The following TENM3 variants were observed in gnomAD, a reference collection of about 807,000 sequenced individuals.
The protein encoded by TENM3 is teneurin-3.
Under a neutral mutation model 255.1 loss-of-function variants are expected in TENM3, and 63 were observed. The ratio of observed to expected loss-of-function variants is 0.25; its 90% CI spans 0.20 to 0.30. The LOEUF (loss-of-function observed/expected upper bound fraction) is 0.30. TENM3 is among the 10% of genes least tolerant of loss of function. The probability of loss-of-function intolerance (pLI) is 1.00; values close to 1 mark genes in which losing one functional copy is unlikely to be tolerated. For synonymous variants in TENM3, 1,306 were observed against 1,322.3 expected, an observed-to-expected ratio of 0.99 and a Z score of 0.27; for missense variants, 2,929 against 3,461.1, an observed-to-expected ratio of 0.85 and a Z score of 3.86.
the TENM3 span, among the ~76,000 whole-genome samples, chr4:181,487,327 C>T: frequency 4.6e-5 from 7 of 152,188 alleles, no homozygotes; most frequent in African/African-American, 1.7e-4. Flanking sequence ...GACAACCCCA[C>T]CTGTATTAGT....
chr4:182,386,352 G>A (rs1767914544), intron 3 of TENM3, among the ~76,000 whole-genome samples: 1 of 152,200 alleles, frequency 6.6e-6, no homozygotes, highest in African/African-American at 2.4e-5. Flanking sequence ...TTTGTGTTTT[G>A]AAAAGAAAGA....
the TENM3 span, among the ~76,000 whole-genome samples, chr4:182,082,447 T>C: frequency 2.0e-5 from 3 of 152,334 alleles, no homozygotes; most frequent in South Asian, 6.2e-4. Context: ...TAATGTACAT[T>C]CATGTACTCA....
At chr4:182,551,283 G>A (rs1020255701) in intron 3 of TENM3, among the ~76,000 whole-genome samples, 2 of 147,740 alleles carry the variant, frequency 1.4e-5, no homozygotes, top group African/African-American at 5.0e-5. Flanking sequence ...ATAATAACAC[G>A]AAGATGATGA....
intron 3 of TENM3, among the ~76,000 whole-genome samples, chr4:182,590,748 G>A (rs1169506307): frequency 7.0e-6 from 1 of 142,922 alleles, no homozygotes; most frequent in African/African-American, 2.5e-5. Flanking sequence ...CCAACTACTC[G>A]GGGGGCAGGA....
At chr4:181,553,298 T>TGTGTG in the TENM3 span, among the ~76,000 whole-genome samples, 29 of 102,598 alleles carry the variant, frequency 2.8e-4, no homozygotes, top group African/African-American at 1.2e-3. Context: ...TGTGTGTGTG[T>TGTGTG]AGTGTGTGTG....
the TENM3 span, among the ~76,000 whole-genome samples, chr4:181,580,435 T>C: frequency 5.3e-5 from 8 of 152,146 alleles, no homozygotes; most frequent in African/African-American, 1.9e-4. Flanking sequence ...CACATGAAAC[T>C]GCAGGGAGAG....
Position 182,445,430 on chromosome 4 carries a change from G to C in TENM3, c.511+98501G>C, listed in dbSNP as rs932927796. 2.0e-5 allele frequency among the ~76,000 whole-genome samples: 3 copies of C among 152,136 alleles called. No individual in the cohort carries two copies. In the East Asian group the frequency reaches 5.8e-4, roughly 29 times the overall value. ...AGTGTTTGATTTTGATTTTGTATTA[G>C]CACCTCTGACAATGTGGATTTGGTA... On this transcript the variant is annotated intron_variant, in intron 3 of 27. Coordinates refer to ENST00000511685, the MANE Select transcript of TENM3 (RefSeq NM_001080477.4).
At chr4:182,225,470 C>T (rs1341999291) in intron 1 of TENM3, among the ~76,000 whole-genome samples, 1 of 152,162 alleles carries the variant, frequency 6.6e-6, no homozygotes, top group Non-Finnish European at 1.5e-5. Context: ...AGCCTATTAC[C>T]TGGCACCTGA....
intron 3 of TENM3, among the ~76,000 whole-genome samples, chr4:182,462,867 A>G (rs1383288532): frequency 6.7e-6 from 1 of 148,652 alleles, no homozygotes; most frequent in East Asian, 2.0e-4. Flanking sequence ...AGCCTGAGTG[A>G]CAGGGTGAGA....
At chr4:181,691,342 T>G in the TENM3 span, among the ~76,000 whole-genome samples, 1 of 144,438 alleles carries the variant, frequency 6.9e-6, no homozygotes, top group South Asian at 2.2e-4. Context: ...GCTGTGTGTT[T>G]AAGTGTGTAT....
the TENM3 span, among the ~76,000 whole-genome samples, chr4:181,554,039 C>T: frequency 4.0e-3 from 602 of 152,222 alleles, 4 homozygotes; most frequent in African/African-American, 0.014. Context: ...TCATGCGGCT[C>T]TAACTGTATA....
intron 3 of TENM3, among the ~76,000 whole-genome samples, chr4:182,358,599 C>G (rs1443085679): frequency 1.1e-4 from 16 of 151,942 alleles, no homozygotes; most frequent in Admixed American, 7.2e-4. Context: ...GGTTGCTTAT[C>G]AGCTTAAGGA....
intron 2 of TENM3, among the ~76,000 whole-genome samples, chr4:182,332,699 A>C (rs1163984767): frequency 6.6e-6 from 1 of 150,784 alleles, no homozygotes; most frequent in Non-Finnish European, 1.5e-5. Flanking sequence ...ATCTCAAAAA[A>C]AGAAAAAAGA....
rs60851113 is a variant in TENM3 at position 182,220,378 on chromosome 4, CA to C, written c.-76+75648del. Among the ~76,000 whole-genome samples, 330 of 77,456 alleles carry C rather than the reference CA, an allele frequency of 4.3e-3. 2 individuals carry two copies. Among genetic ancestry groups the C allele is most frequent in the African/African-American group, 0.015 (281 of 19,338 alleles). The allele number at this position is 77,456 out of a possible 152,430, so 50.8% of individuals were successfully genotyped here. A position where few individuals can be genotyped will look rare whatever the true frequency, so the allele number is the denominator to read the frequency against. On this transcript the variant is annotated intron_variant, in intron 1 of 2. Transcript: ENST00000512480. ...GGCGACAGAGTGAGACTCTGTCTCA[CA>C]AAAAAAAAAAAAAAAAAAAAAAAGT...
At chr4:182,442,648 G>C (rs898000689) in intron 3 of TENM3, among the ~76,000 whole-genome samples, 1 of 152,072 alleles carries the variant, frequency 6.6e-6, no homozygotes, top group African/African-American at 2.4e-5. Flanking sequence ...CTGGAGTGCA[G>C]TGGCACAATC....
chr4:181,609,641 T>C, the TENM3 span, among the ~76,000 whole-genome samples: 1 of 152,384 alleles, frequency 6.6e-6, no homozygotes, highest in South Asian at 2.1e-4. Context: ...ACCACATATG[T>C]TGTGCATTTG....
intron 3 of TENM3, among the ~76,000 whole-genome samples, chr4:182,409,062 A>G (rs1769785489): frequency 6.6e-6 from 1 of 152,270 alleles, no homozygotes; most frequent in African/African-American, 2.4e-5. Flanking sequence ...CACTCTGACA[A>G]ATGAGGTAAA....
the TENM3 span, among the ~76,000 whole-genome samples, chr4:181,573,356 C>A: frequency 6.6e-6 from 1 of 152,180 alleles, no homozygotes; most frequent in African/African-American, 2.4e-5. Flanking sequence ...ACATTCCCAC[C>A]AAGAGTGTAC....
upstream of TENM3, among the ~76,000 whole-genome samples, chr4:182,240,677 G>T (rs7669521): frequency 0.41 from 62,718 of 151,870 alleles, 15,064 homozygotes; most frequent in African/African-American, 0.67. Flanking sequence ...GCCCACGAGA[G>T]CAGGGAAAGG....
Sources: allele counts gnomAD v4.1 joint callset (sites outside exome capture counted in the v4.1 genomes callset), GRCh38; gene constraint gnomAD v4.1.1; transcripts MANE v1.5; gene names NCBI Gene and HGNC (gene_info 2026-07-23, HGNC 2026-07-21).